Variants in MTHFD1 observed in about 807,000 individuals in gnomAD.
The protein encoded by MTHFD1 is methylenetetrahydrofolate dehydrogenase, cyclohydrolase and formyltetrahydrofolate synthetase 1.
Under a neutral mutation model 110.3 loss-of-function variants are expected in MTHFD1, and 44 were observed. That is an observed-to-expected ratio of 0.40 (90% confidence interval 0.31 to 0.51). MTHFD1 has a LOEUF of 0.51. MTHFD1 is among the 20% of genes least tolerant of loss of function. The pLI is 0.60. For missense variants in MTHFD1, 909 were observed against 1,173.1 expected (o/e 0.77, Z 3.29); for synonymous variants, 402 against 428.8 (o/e 0.94, Z 0.77).
intron 24 of MTHFD1, 38 bp from the exon 25 acceptor site, chr14:64,453,716 T>C: frequency 8.2e-7 from 1 of 1,226,516 alleles, no homozygotes; most frequent in South Asian, 1.2e-5. Flanking sequence ...CTCACATGTG[T>C]CCAGTCATGG....
In MTHFD1 at chr14:64,441,498, C is replaced by G. The variant is rs538951729; in HGVS notation, c.1884+45C>G. ...CCTTCTTGAATTGGTTTTGGACAGT[C>G]AGAGCAGAGTGGTTATAAAGCACAC... On this transcript the variant is annotated intron_variant, in intron 19 of 27. Coordinates refer to ENST00000652337, the MANE Select transcript of MTHFD1 (RefSeq NM_005956.4). 3.1e-6 allele frequency: 5 copies of G among 1,588,034 alleles called. No homozygotes were observed. In the Admixed American group the frequency reaches 8.3e-5, roughly 27 times the overall value.
intron 21 of MTHFD1, among the ~76,000 whole-genome samples, chr14:64,443,417 C>A (rs1359811042): frequency 1.3e-5 from 2 of 152,192 alleles, no homozygotes. Flanking sequence ...TTGAAGACAG[C>A]ACTTGATCTG....
At chr14:64,436,997 G>T (rs8016118) in intron 16 of MTHFD1, among the ~76,000 whole-genome samples, 146 of 152,112 alleles carry the variant, frequency 9.6e-4, no homozygotes, top group Non-Finnish European at 1.8e-3. Context: ...AAGAGTGGGG[G>T]GTGTGTGTGT....
chr14:64,453,996 A>G, intron 25 of MTHFD1, 135 bp downstream of exon 25: 2 of 700,468 alleles, frequency 2.9e-6, no homozygotes, highest in Non-Finnish European at 5.3e-6. Context: ...CCTCTGAAAT[A>G]CTGAGTTTGG....
In MTHFD1 at chr14:64,459,820, G is replaced by A; in HGVS notation, c.*66G>A. ...TGGCCAGTGTCTATTCAGGCCCACT[G>A]GGAGTTAGGAAGTATAAGTAAGCCA... On this transcript the variant is annotated 3_prime_UTR_variant, in exon 28 of 28. Transcript: ENST00000652337. 6.5e-7 allele frequency: 1 copy of A among 1,535,994 alleles called. No homozygotes were observed. The highest frequency in any genetic ancestry group is 8.7e-7 in the Non-Finnish European group (1 of 1,146,776).
At chr14:64,421,217 G>A (rs1042614964) in intron 8 of MTHFD1, among the ~76,000 whole-genome samples, 1 of 152,202 alleles carries the variant, frequency 6.6e-6, no homozygotes, top group South Asian at 2.1e-4. Context: ...TGTTGCATGT[G>A]TCTCATGTAC....
intron 22 of MTHFD1, 169 bp from the exon 23 acceptor site, chr14:64,448,047 AC>A: frequency 1.5e-6 from 1 of 660,686 alleles, no homozygotes; most frequent in Non-Finnish European, 2.7e-6. Context: ...CATAGCATCC[AC>A]TCACCGCACT....
chr14:64,389,573 G>C (rs1021216796), intron 1 of MTHFD1, among the ~76,000 whole-genome samples: 44 of 152,232 alleles, frequency 2.9e-4, no homozygotes, highest in Non-Finnish European at 1.2e-4. Flanking sequence ...GCCGAGTGTG[G>C]TGGCAGGCAT....
intron 22 of MTHFD1, among the ~76,000 whole-genome samples, chr14:64,446,078 ACT>A (rs923355546): frequency 1.3e-4 from 20 of 152,138 alleles, no homozygotes; most frequent in African/African-American, 4.3e-4. Context: ...TTTATAGAAG[ACT>A]CTTTTATTTT....
At chr14:64,422,131 T>A (rs2078079602) in intron 8 of MTHFD1, among the ~76,000 whole-genome samples, 2 of 152,134 alleles carry the variant, frequency 1.3e-5, no homozygotes. Context: ...ATGAATAAAA[T>A]CAAAGCAGTA....
intron 22 of MTHFD1, among the ~76,000 whole-genome samples, chr14:64,447,204 G>A (rs1419601653): frequency 2.2e-5 from 3 of 138,674 alleles, no homozygotes; most frequent in African/African-American, 5.5e-5. Flanking sequence ...TCACCAGGCT[G>A]GAGTGCAGTG....
intron 12 of MTHFD1, among the ~76,000 whole-genome samples, chr14:64,429,696 A>G (rs1307377198): frequency 6.6e-6 from 1 of 152,190 alleles, no homozygotes; most frequent in East Asian, 1.9e-4. Context: ...CCCAAATCCA[A>G]GCATTTTAAA....
chr14:64,434,959 T>C lies in MTHFD1; in HGVS notation c.1495-610T>C, dbSNP rs112218669. Among the ~76,000 whole-genome samples the C allele has an allele frequency of 1.2e-3, 135 of 113,488 alleles. 1 individual carries two copies. The highest frequency in any genetic ancestry group is 4.2e-3 in the African/African-American group (109 of 25,978). The allele number at this position is 113,488 out of a possible 152,430, so 74.5% of individuals were successfully genotyped here. A position where few individuals can be genotyped will look rare whatever the true frequency, so the allele number is the denominator to read the frequency against. On this transcript the variant is annotated intron_variant, in intron 15 of 27. Coordinates refer to ENST00000652337, the MANE Select transcript of MTHFD1 (RefSeq NM_005956.4). ...AGCTCTCCCTCTTTTCTTTTTTTTT[T>C]TTTTTTTTTTTTTTTTGAGATGGAG...
chr14:64,402,988 GGAC>G (rs2077910484), intron 2 of MTHFD1, among the ~76,000 whole-genome samples: 1 of 151,794 alleles, frequency 6.6e-6, no homozygotes, highest in African/African-American at 2.4e-5. Context: ...TACTTTTTTG[GGAC>G]AGAGTTTTAC....
At chr14:64,433,044 G>A (rs1251894612) in intron 15 of MTHFD1, among the ~76,000 whole-genome samples, 2 of 152,148 alleles carry the variant, frequency 1.3e-5, no homozygotes, top group African/African-American at 4.8e-5. Flanking sequence ...TTACTGGCGT[G>A]AGCCACCACG....
chr14:64,428,104 T>C (rs1038489124), intron 12 of MTHFD1, among the ~76,000 whole-genome samples: 1 of 35,660 alleles, frequency 2.8e-5, no homozygotes, highest in Non-Finnish European at 6.5e-5. Context: ...GAACATGTGT[T>C]TTTTTTTTTT....
At chr14:64,442,560 CT>C (rs2078257496) in intron 21 of MTHFD1, among the ~76,000 whole-genome samples, 158 bp downstream of exon 21, 1 of 152,192 alleles carries the variant, frequency 6.6e-6, no homozygotes, top group Non-Finnish European at 1.5e-5. Context: ...TGTTGGCTGC[CT>C]TATCACTCAC....
At chr14:64,407,796 C>A (rs2077946775) in intron 2 of MTHFD1, among the ~76,000 whole-genome samples, 1 of 152,000 alleles carries the variant, frequency 6.6e-6, no homozygotes, top group African/African-American at 2.4e-5. Flanking sequence ...AATCCACACA[C>A]CTTGACCTCC....
intron 12 of MTHFD1, 59 bp from the exon 13 acceptor site, chr14:64,430,123 GAT>G: frequency 2.2e-6 from 3 of 1,394,984 alleles, no homozygotes; most frequent in Non-Finnish European, 3.1e-6. Flanking sequence ...GCATTTATTT[GAT>G]TTCTAAGTCA....
Sources: gnomAD v4.1 joint callset for allele counts (sites outside exome capture counted in the v4.1 genomes callset) on GRCh38, gnomAD v4.1.1 for gene constraint, MANE v1.5 for transcripts, NCBI Gene and HGNC (gene_info 2026-07-23, HGNC 2026-07-21) for gene names.